Variants in UNC13C observed in about 807,000 individuals in gnomAD.
The protein encoded by UNC13C is protein unc-13 homolog C.
UNC13C carries 174 observed loss-of-function variants against 245.4 expected under a neutral mutation model. That is an observed-to-expected ratio of 0.71 (90% CI 0.63 to 0.80). UNC13C has a LOEUF of 0.80. Among genes scored for constraint, UNC13C ranks in the 30% least tolerant of loss-of-function variants. The probability of loss-of-function intolerance (pLI) is 0.00; values close to 1 mark genes in which losing one functional copy is unlikely to be tolerated. For synonymous variants in UNC13C, 992 were observed against 895.1 expected, an observed-to-expected ratio of 1.11 and a Z score of -1.93; for missense variants, 2,829 against 2,602.9, an observed-to-expected ratio of 1.09 and a Z score of -1.89.
intron 2 of UNC13C, among the ~76,000 whole-genome samples, chr15:54,111,870 C>G (rs925506160): frequency 1.3e-5 from 2 of 152,130 alleles, no homozygotes; most frequent in African/African-American, 4.8e-5. Flanking sequence ...AATCATCAAC[C>G]TTTCAAAGTT....
chr15:54,097,158 T>C (rs574974926), intron 2 of UNC13C, among the ~76,000 whole-genome samples: 1 of 152,320 alleles, frequency 6.6e-6, no homozygotes, highest in South Asian at 2.1e-4. Flanking sequence ...CTAACATTGC[T>C]TTGTCCTTCA....
chr15:54,471,058 T>C (rs191470005), intron 19 of UNC13C, among the ~76,000 whole-genome samples: 3 of 151,536 alleles, frequency 2.0e-5, no homozygotes, highest in African/African-American at 2.4e-5. Flanking sequence ...TATATAATTA[T>C]GGTTGGAAAA....
intron 4 of UNC13C, among the ~76,000 whole-genome samples, chr15:54,208,419 A>G (rs1044966687): frequency 6.6e-6 from 1 of 152,166 alleles, no homozygotes; most frequent in African/African-American, 2.4e-5. Context: ...TAAGGGCTGC[A>G]TAAATGATTA....
intron 17 of UNC13C, among the ~76,000 whole-genome samples, chr15:54,369,304 T>C (rs1241438885): frequency 6.6e-6 from 1 of 152,124 alleles, no homozygotes; most frequent in Non-Finnish European, 1.5e-5. Flanking sequence ...GGTTAATTCG[T>C]AGACTTTCTC....
chr15:54,056,415 G>A (rs1320342109), intron 2 of UNC13C, among the ~76,000 whole-genome samples: 2 of 152,094 alleles, frequency 1.3e-5, no homozygotes, highest in Non-Finnish European at 2.9e-5. Flanking sequence ...AGAGAAAAAA[G>A]AATAAAAAGA....
At chr15:54,163,402 T>A (rs569361453) in intron 4 of UNC13C, among the ~76,000 whole-genome samples, 2 of 152,284 alleles carry the variant, frequency 1.3e-5, no homozygotes, top group African/African-American at 4.8e-5. Context: ...TGTAAGATGG[T>A]AAACTTCTTT....
At chr15:54,623,632 G>T (rs2414331) in intron 31 of UNC13C, among the ~76,000 whole-genome samples, 163 bp from the exon 32 acceptor site, 1 of 151,916 alleles carries the variant, frequency 6.6e-6, no homozygotes, top group Non-Finnish European at 1.5e-5. Context: ...CATCAGGTGT[G>T]CCTTCCAGAA....
intron 2 of UNC13C, among the ~76,000 whole-genome samples, chr15:54,103,805 C>T (rs759742154): frequency 7.9e-5 from 12 of 152,088 alleles, no homozygotes; most frequent in Non-Finnish European, 1.3e-4. Flanking sequence ...AGTGCAGTGG[C>T]GCCATCTTGG....
At chr15:54,382,273 A>G (rs1037453261) in intron 17 of UNC13C, among the ~76,000 whole-genome samples, 4 of 152,312 alleles carry the variant, frequency 2.6e-5, no homozygotes, top group Admixed American at 1.3e-4. Flanking sequence ...TTATAGCACC[A>G]AACAACTACA....
At chr15:54,179,259 G>A (rs1383037396) in intron 4 of UNC13C, among the ~76,000 whole-genome samples, 2 of 152,114 alleles carry the variant, frequency 1.3e-5, no homozygotes, top group Admixed American at 6.6e-5. Context: ...TATTGAAAAT[G>A]TGAATAAGCA....
Position 54,335,760 on chromosome 15 carries a change from C to T in UNC13C, c.4584+1904C>T, listed in dbSNP as rs1422573088. On this transcript the variant is annotated intron_variant, in intron 16 of 32. Coordinates refer to ENST00000260323, the MANE Select transcript of UNC13C (RefSeq NM_001080534.3). The stretch of plus-strand genomic sequence containing the variant: ...TATGTGCTATCGATTTATCCATTCC[C>T]TCATTGAGAGATGTTTGAGTTATTT... 2.6e-5 allele frequency among the ~76,000 whole-genome samples: 4 copies of T among 152,132 alleles called. No homozygotes were observed. In the South Asian group the frequency reaches 6.2e-4, roughly 24 times the overall value.
At chr15:54,489,861 C>A (rs1315496550) in intron 19 of UNC13C, among the ~76,000 whole-genome samples, 1 of 152,060 alleles carries the variant, frequency 6.6e-6, no homozygotes, top group Non-Finnish European at 1.5e-5. Flanking sequence ...ATTTCTTTTC[C>A]TTTTTGTTTG....
intron 4 of UNC13C, among the ~76,000 whole-genome samples, chr15:54,213,029 G>A (rs552144179): frequency 5.3e-5 from 8 of 151,934 alleles, no homozygotes; most frequent in African/African-American, 7.2e-5. Context: ...GAATCATACC[G>A]GTTAGAATAA....
At chr15:54,072,530 T>C (rs1898378216) in intron 2 of UNC13C, among the ~76,000 whole-genome samples, 1 of 152,214 alleles carries the variant, frequency 6.6e-6, no homozygotes, top group African/African-American at 2.4e-5. Flanking sequence ...CCCATGTTAC[T>C]ATGATATGGG....
intron 13 of UNC13C, among the ~76,000 whole-genome samples, chr15:54,319,294 A>G (rs1210967645): frequency 7.1e-5 from 10 of 140,246 alleles, no homozygotes; most frequent in East Asian, 2.0e-4. Context: ...TGAATTGTTG[A>G]AAAAAAAAAA....
At chr15:54,239,328 A>G (rs925245946) in intron 7 of UNC13C, among the ~76,000 whole-genome samples, 1 of 152,208 alleles carries the variant, frequency 6.6e-6, no homozygotes. Flanking sequence ...TCAGTAAAAC[A>G]AAACATATTC....
intron 11 of UNC13C, among the ~76,000 whole-genome samples, chr15:54,296,995 A>G (rs74015139): frequency 0.015 from 2,272 of 152,348 alleles, 63 homozygotes; most frequent in African/African-American, 0.052. Flanking sequence ...TCCAGCACTT[A>G]TAAGTTAGCC....
chr15:54,278,973 T>C (rs2036906892), intron 10 of UNC13C, among the ~76,000 whole-genome samples: 1 of 152,306 alleles, frequency 6.6e-6, no homozygotes, highest in South Asian at 2.1e-4. Flanking sequence ...TTACACAAAC[T>C]TTTGGAAATA....
chr15:54,359,761 A>G (rs910863565), intron 17 of UNC13C, among the ~76,000 whole-genome samples: 2 of 151,918 alleles, frequency 1.3e-5, no homozygotes, highest in Non-Finnish European at 2.9e-5. Context: ...TACACTAACT[A>G]AAGGTTTATA....
Sources: gnomAD v4.1 joint callset for allele counts (sites outside exome capture counted in the v4.1 genomes callset) on GRCh38, gnomAD v4.1.1 for gene constraint, MANE v1.5 for transcripts, NCBI Gene and HGNC (gene_info 2026-07-23, HGNC 2026-07-21) for gene names.